Variants in AGBL1 observed in about 807,000 individuals in gnomAD.
AGBL1 encodes the protein AGBL carboxypeptidase 1.
In AGBL1, 130 loss-of-function variants were observed where a neutral mutation model predicts 118.9. The ratio of observed to expected loss-of-function variants is 1.09; its 90% CI spans 0.95 to 1.26. AGBL1 has a LOEUF of 1.26. Among genes scored for constraint, AGBL1 ranks in the 50% most tolerant of loss-of-function variants. The pLI, the probability that AGBL1 is intolerant of heterozygous loss-of-function variation, is 0.00. For synonymous variants in AGBL1, 555 were observed against 478.9 expected, an observed-to-expected ratio of 1.16 and a Z score of -2.08; for missense variants, 1,584 against 1,298.1, an observed-to-expected ratio of 1.22 and a Z score of -3.38.
intron 22 of AGBL1, among the ~76,000 whole-genome samples, chr15:86,847,471 A>G (rs1300635780): frequency 2.0e-5 from 3 of 152,206 alleles, no homozygotes; most frequent in Non-Finnish European, 2.9e-5. Context: ...AGTCTTTGTC[A>G]TCTGTTTCCC....
intron 1 of AGBL1, among the ~76,000 whole-genome samples, chr15:86,141,729 C>G (rs918296412): frequency 6.6e-6 from 1 of 152,198 alleles, no homozygotes; most frequent in African/African-American, 2.4e-5. Flanking sequence ...CTTTTACTTC[C>G]TTGTTTTCTG....
chr15:86,883,435 A>T (rs12900209), intron 22 of AGBL1, among the ~76,000 whole-genome samples: 31,535 of 152,082 alleles, frequency 0.21, 3,523 homozygotes, highest in African/African-American at 0.27. Context: ...TGTGTGTGTG[A>T]GTCTTCTCCC....
chr15:86,461,347 T>C (rs933267620), intron 18 of AGBL1, among the ~76,000 whole-genome samples: 1 of 152,190 alleles, frequency 6.6e-6, no homozygotes, highest in African/African-American at 2.4e-5. Flanking sequence ...CAAAGTAGCA[T>C]ATTGCTCACC....
chr15:86,342,714 T>C (rs1247824398), intron 17 of AGBL1, among the ~76,000 whole-genome samples: 1 of 152,194 alleles, frequency 6.6e-6, no homozygotes. Context: ...CTCGGAGCTT[T>C]GATTTCCTCC....
chr15:86,608,179 C>T (rs1164981322), intron 21 of AGBL1, among the ~76,000 whole-genome samples: 1 of 152,102 alleles, frequency 6.6e-6, no homozygotes, highest in Non-Finnish European at 1.5e-5. Context: ...CAGCTTTATC[C>T]CTTTCTCATC....
chr15:86,618,887 C>G (rs1383956121), intron 21 of AGBL1, among the ~76,000 whole-genome samples: 1 of 152,160 alleles, frequency 6.6e-6, no homozygotes, highest in Non-Finnish European at 1.5e-5. Context: ...GGCGCTAACT[C>G]CTTCTCTTGG....
intron 5 of AGBL1, among the ~76,000 whole-genome samples, chr15:86,213,801 G>A (rs370608585): frequency 1.6e-4 from 24 of 152,186 alleles, no homozygotes; most frequent in African/African-American, 5.8e-4. Context: ...CTTTTAAAGT[G>A]TACAATTCAG....
intron 22 of AGBL1, among the ~76,000 whole-genome samples, chr15:86,752,966 T>C (rs1313705459): frequency 6.6e-6 from 1 of 152,120 alleles, no homozygotes; most frequent in East Asian, 1.9e-4. Flanking sequence ...AGTCAATTTA[T>C]CTTTCCTTGC....
chr15:86,618,314 G>T (rs2084758499), intron 21 of AGBL1, among the ~76,000 whole-genome samples: 1 of 152,112 alleles, frequency 6.6e-6, no homozygotes, highest in Non-Finnish European at 1.5e-5. Flanking sequence ...TTAGGATGAG[G>T]CTAAGATGAT....
intron 17 of AGBL1, among the ~76,000 whole-genome samples, chr15:86,325,015 C>T (rs565943067): frequency 1.3e-5 from 2 of 152,068 alleles, no homozygotes; most frequent in Non-Finnish European, 2.9e-5. Flanking sequence ...AGACAGGGGA[C>T]AGATCTTGGA....
At chr15:86,791,786 G>C (rs1485010744) in intron 22 of AGBL1, among the ~76,000 whole-genome samples, 2 of 149,902 alleles carry the variant, frequency 1.3e-5, no homozygotes, top group Non-Finnish European at 3.0e-5. Context: ...ATCCAGACTG[G>C]AGTGCAGTGG....
intron 24 of AGBL1, among the ~76,000 whole-genome samples, chr15:87,005,426 T>A (rs1220851538): frequency 6.6e-6 from 1 of 152,146 alleles, no homozygotes; most frequent in African/African-American, 2.4e-5. Flanking sequence ...TCTTCTCACT[T>A]CGTTTCATTC....
intron 21 of AGBL1, among the ~76,000 whole-genome samples, chr15:86,561,950 CTGTT>C (rs1596267150): frequency 6.6e-6 from 1 of 152,156 alleles, no homozygotes; most frequent in South Asian, 2.1e-4. Flanking sequence ...ATTTGGCTCT[CTGTT>C]TGTCTGTTAT....
intron 22 of AGBL1, among the ~76,000 whole-genome samples, chr15:86,883,679 C>A (rs1474419867): frequency 6.6e-6 from 1 of 152,242 alleles, no homozygotes; most frequent in East Asian, 1.9e-4. Context: ...CCAGTAATAT[C>A]CCTAGCACAT....
chr15:86,546,221 G>GTTT (rs374062180), intron 20 of AGBL1, 88 bp downstream of exon 20: 2,407 of 1,059,476 alleles, frequency 2.3e-3, no homozygotes, highest in East Asian at 3.4e-3. Context: ...CATTTATTTA[G>GTTT]TTTTTTTTTT....
At chr15:86,210,501 C>CT (rs1485079848) in intron 5 of AGBL1, among the ~76,000 whole-genome samples, 1 of 152,176 alleles carries the variant, frequency 6.6e-6, no homozygotes, top group Non-Finnish European at 1.5e-5. Context: ...TTCTTGGAGG[C>CT]TTTGTTCGTC....
chr15:86,721,020 C>CA (rs561370581), intron 22 of AGBL1, among the ~76,000 whole-genome samples: 1 of 151,950 alleles, frequency 6.6e-6, no homozygotes, highest in African/African-American at 2.4e-5. Context: ...GCTTACCAAT[C>CA]AAAAAAAGTC....
At chr15:86,730,965 T>G (rs1307365610) in intron 22 of AGBL1, among the ~76,000 whole-genome samples, 1 of 152,020 alleles carries the variant, frequency 6.6e-6, no homozygotes, top group Non-Finnish European at 1.5e-5. Flanking sequence ...GTAGCTGGGA[T>G]TACAGGCATA....
At chr15:86,596,505 G>A (rs1005559529) in intron 21 of AGBL1, among the ~76,000 whole-genome samples, 1 of 152,088 alleles carries the variant, frequency 6.6e-6, no homozygotes, top group African/African-American at 2.4e-5. Context: ...ACACCTAAGC[G>A]ATCTTCTTCC....
Sources: allele counts gnomAD v4.1 joint callset (sites outside exome capture counted in the v4.1 genomes callset), GRCh38; gene constraint gnomAD v4.1.1; transcripts MANE v1.5; gene names NCBI Gene and HGNC (gene_info 2026-07-23, HGNC 2026-07-21).